DPF3: variants seen among roughly 807,000 people sequenced by gnomAD.
DPF3 encodes double PHD fingers 3.
A neutral mutation model predicts 56.8 loss-of-function variants in DPF3; 18 were observed. The observed-to-expected ratio is 0.32, with a 90% CI of 0.22 to 0.47. The LOEUF is 0.47. Ranked by LOEUF, DPF3 falls within the 20% of genes least tolerant of loss-of-function variation. The probability of loss-of-function intolerance (pLI) is 1.00; values close to 1 mark genes in which losing one functional copy is unlikely to be tolerated. For synonymous variants in DPF3, 188 were observed against 180.2 expected (o/e 1.04, Z -0.35); for missense variants, 403 against 488.8 (o/e 0.82, Z 1.65).
At chr14:72,669,913 GT>G in intron 8 of DPF3, 1 of 985,948 alleles carries the variant, frequency 1.0e-6, no homozygotes, top group Non-Finnish European at 1.2e-6. Context: ...AGATATGATG[GT>G]TTTGCCCACA....
chr14:72,722,059 G>A (rs1483556519), intron 5 of DPF3, among the ~76,000 whole-genome samples: 2 of 152,078 alleles, frequency 1.3e-5, no homozygotes, highest in East Asian at 3.8e-4. Context: ...GAAATGATAA[G>A]GGACTAGATA....
intron 9 of DPF3, among the ~76,000 whole-genome samples, chr14:72,622,744 C>A (rs1884535419): frequency 6.6e-6 from 1 of 151,946 alleles, no homozygotes; most frequent in South Asian, 2.1e-4. Context: ...ATCCAGGAAC[C>A]AGGAATCACC....
chr14:72,766,599 G>A (rs757140538), intron 2 of DPF3, among the ~76,000 whole-genome samples: 8 of 152,102 alleles, frequency 5.3e-5, no homozygotes, highest in African/African-American at 1.4e-4. Context: ...CTACAGGCAC[G>A]CACCAACACA....
intron 2 of DPF3, among the ~76,000 whole-genome samples, chr14:72,761,099 G>T (rs1414001943): frequency 6.6e-6 from 1 of 151,980 alleles, no homozygotes; most frequent in Non-Finnish European, 1.5e-5. Flanking sequence ...TAATAGAATT[G>T]TAAGGAGAAA....
At chr14:72,723,130 CA>C (rs770422374) in intron 5 of DPF3, among the ~76,000 whole-genome samples, 9 of 151,968 alleles carry the variant, frequency 5.9e-5, no homozygotes, top group Non-Finnish European at 1.2e-4. Flanking sequence ...TGGTGTGCTG[CA>C]CCTATTAACT....
chr14:72,886,700 G>A (rs1007833503), intron 1 of DPF3, among the ~76,000 whole-genome samples: 6 of 151,440 alleles, frequency 4.0e-5, no homozygotes, highest in Non-Finnish European at 7.4e-5. Flanking sequence ...ACTCTGATGA[G>A]TTCTGCAACC....
intron 1 of DPF3, among the ~76,000 whole-genome samples, chr14:72,811,058 G>T (rs1165288707): frequency 1.3e-5 from 2 of 152,218 alleles, no homozygotes; most frequent in Non-Finnish European, 2.9e-5. Context: ...AGGAGAGCAG[G>T]CGTGTCACAT....
At chr14:72,671,533 C>T in intron 8 of DPF3, 1 of 814,514 alleles carries the variant, frequency 1.2e-6, no homozygotes, top group Non-Finnish European at 2.1e-6. Context: ...AGAGGCTTCC[C>T]CCACTCCCCG....
intron 7 of DPF3, among the ~76,000 whole-genome samples, chr14:72,683,947 T>C (rs145937546): frequency 2.1e-3 from 318 of 152,288 alleles, no homozygotes; most frequent in Non-Finnish European, 3.9e-3. Context: ...CACTGTCAGA[T>C]GCAAAACACA....
intron 2 of DPF3, among the ~76,000 whole-genome samples, chr14:72,767,461 T>C (rs1891332729): frequency 1.3e-5 from 2 of 151,242 alleles, no homozygotes. Context: ...AAATAGAAAT[T>C]TGAAAACTGA....
rs141361692 is a variant in DPF3, at chr14:72,654,363, C to T, written c.871+19877G>A. Among the ~76,000 whole-genome samples, 564 of 152,250 alleles carry T rather than the reference C, an allele frequency of 3.7e-3. 3 individuals carry two copies. The highest frequency in any genetic ancestry group is 0.013 in the African/African-American group (551 of 41,544). ...ACTCTATGCCTCTTTCTATACTTCC[C>T]CCGCTACTCCAACCTGCACTGGTCC... On this transcript the variant is annotated intron_variant, in intron 8 of 10. Transcript: ENST00000556509.
intron 7 of DPF3, among the ~76,000 whole-genome samples, chr14:72,679,896 G>A (rs542958317): frequency 3.3e-5 from 5 of 152,224 alleles, no homozygotes; most frequent in Non-Finnish European, 5.9e-5. Context: ...CTTGGGGGCC[G>A]GAGATGAGAG....
At chr14:72,734,989 A>G (rs1185916295) in intron 3 of DPF3, among the ~76,000 whole-genome samples, 1 of 152,136 alleles carries the variant, frequency 6.6e-6, no homozygotes, top group Non-Finnish European at 1.5e-5. Context: ...CGTTTTACAG[A>G]TGAGGGCAGT....
In DPF3 at chr14:72,611,958, G is replaced by A. The variant is rs1230418214; in HGVS notation, c.*7339C>T. ...TTGCTTGGCAGAGCTTAATTTCATG[G>A]CTGAAAAGCAACTTGAAGGCTAGGC... is the stretch of plus-strand genomic sequence containing the variant. On this transcript the variant is annotated 3_prime_UTR_variant, in exon 11 of 11. Coordinates refer to ENST00000556509, the MANE Select transcript of DPF3 (RefSeq NM_001280542.3). 6.6e-6 allele frequency among the ~76,000 whole-genome samples: 1 copy of A among 152,132 alleles called. No homozygotes were observed. The highest frequency in any genetic ancestry group is 1.5e-5 in the Non-Finnish European group (1 of 68,026).
At chr14:72,751,142 T>C (rs1227528775) in intron 3 of DPF3, among the ~76,000 whole-genome samples, 3 of 152,050 alleles carry the variant, frequency 2.0e-5, no homozygotes, top group Admixed American at 6.6e-5. Flanking sequence ...AGTGAGCTCA[T>C]TGCAACTACT....
intron 3 of DPF3, 108 bp from the exon 4 acceptor site, chr14:72,732,042 G>T: frequency 7.2e-7 from 1 of 1,394,018 alleles, no homozygotes; most frequent in Non-Finnish European, 9.6e-7. Context: ...AGGACTCGGG[G>T]CCTGTGCTCT....
In DPF3 at chr14:72,639,555, G is replaced by A. The variant is rs574738204; in HGVS notation, c.872-9819C>T. On this transcript the variant is annotated intron_variant, in intron 8 of 10. Transcript: ENST00000556509. The stretch of plus-strand genomic sequence containing the variant: ...TAAGGGAAGCCAGCTGCTATATTGT[G>A]AGATGCCCTACAGACAGGTCCATGT... Among the ~76,000 whole-genome samples, 7 of 152,274 alleles carry A rather than the reference G, an allele frequency of 4.6e-5. No homozygotes were observed. In the East Asian group the frequency reaches 1.3e-3, roughly 29 times the overall value.
intron 1 of DPF3, among the ~76,000 whole-genome samples, chr14:72,844,980 C>T (rs1446413979): frequency 1.3e-5 from 2 of 152,082 alleles, no homozygotes; most frequent in Non-Finnish European, 2.9e-5. Flanking sequence ...ATTAGCCAGG[C>T]GTGGTGGCAC....
intron 4 of DPF3, chr14:72,731,477 C>T (rs1241638961): frequency 2.5e-5 from 6 of 241,660 alleles, no homozygotes; most frequent in Admixed American, 5.1e-5. Flanking sequence ...ACTCTTGGTT[C>T]CATGGGGACA....
Sources: allele counts gnomAD v4.1 joint callset (sites outside exome capture counted in the v4.1 genomes callset), GRCh38; gene constraint gnomAD v4.1.1; transcripts MANE v1.5; gene names NCBI Gene and HGNC (gene_info 2026-07-23, HGNC 2026-07-21).